Variants in LAMP1 observed in about 807,000 individuals in gnomAD.
The protein encoded by LAMP1 is lysosome-associated membrane glycoprotein 1.
Under a neutral mutation model 37.5 loss-of-function variants are expected in LAMP1, and 7 were observed. The ratio of observed to expected loss-of-function variants is 0.19; its 90% CI spans 0.11 to 0.35. LAMP1 has a LOEUF of 0.35. Among genes scored for constraint, LAMP1 ranks in the 10% least tolerant of loss-of-function variants. LAMP1 has a pLI of 1.00. For synonymous variants in LAMP1, 236 were observed against 229.1 expected (o/e 1.03, Z -0.27); for missense variants, 537 against 552.8 (o/e 0.97, Z 0.29).
Position 113,301,644 on chromosome 13 carries a change from AATATATATATATATATATATATATATAT to A in LAMP1, c.61+4170_61+4197del, listed in dbSNP as rs1178393830. On this transcript the variant is annotated intron_variant, in intron 1 of 8. Transcript: ENST00000332556. ...TTTCCATTTAAAAAAAAAAAAAAAA[AATATATATATATATATATATATATATAT>A]ATATATATATATATATATATTTACA... is the stretch of plus-strand genomic sequence containing the variant. Among the ~76,000 whole-genome samples the A allele has an allele frequency of 1.6e-3, 6 of 3,868 alleles. No individual in the cohort carries two copies. The South Asian group carries it at 0.021, about 13-fold the overall frequency. The allele number at this position is 3,868 out of a possible 152,430, so 2.5% of individuals were successfully genotyped here. A position where few individuals can be genotyped will look rare whatever the true frequency, so the allele number is the denominator to read the frequency against.
At chr13:113,302,946 CCTGGCACAAAG>C (rs2042581620) in intron 1 of LAMP1, among the ~76,000 whole-genome samples, 4 of 152,224 alleles carry the variant, frequency 2.6e-5, no homozygotes, top group Admixed American at 2.6e-4. Context: ...TAGAGCAGCA[CCTGGCACAAAG>C]TAAGTGCATT....
intron 4 of LAMP1, among the ~76,000 whole-genome samples, chr13:113,315,341 T>C (rs1170333306): frequency 1.3e-5 from 2 of 150,844 alleles, no homozygotes; most frequent in African/African-American, 2.4e-5. Flanking sequence ...CTGGGCTTCC[T>C]GCCTGGGTGG....
In LAMP1 at chr13:113,320,501, G is replaced by A. The variant is rs767145043; in HGVS notation, c.876+31G>A. 80 of 1,596,744 alleles carry A rather than the reference G, an allele frequency of 5.0e-5. No homozygotes were observed. The Middle Eastern group carries it at 6.6e-4, about 13-fold the overall frequency. Reference sequence around the variant, plus strand: ...GCTGGGGCGGCACCTCTCTGGGGGCGCCCACTGTGTCTCCACCACATCTTT... The same window carrying A: ...GCTGGGGCGGCACCTCTCTGGGGGCACCCACTGTGTCTCCACCACATCTTT... On this transcript the variant is annotated intron_variant, in intron 6 of 8. Transcript: ENST00000332556. This position sits in a 1 kb window ranked among gnomAD's most constrained non-coding sequence, Gnocchi z 4.4.
At chr13:113,300,502 A>AAG (rs1555310677) in intron 1 of LAMP1, among the ~76,000 whole-genome samples, 16 of 149,884 alleles carry the variant, frequency 1.1e-4, no homozygotes, top group East Asian at 7.9e-4. Flanking sequence ...AAAAAAAAAA[A>AAG]AAAGAAAAAG....
At chr13:113,318,616 TTGG>T (rs1207136109) in intron 4 of LAMP1, among the ~76,000 whole-genome samples, 2 of 152,172 alleles carry the variant, frequency 1.3e-5, no homozygotes, top group Non-Finnish European at 2.9e-5. Context: ...TGTGAACATC[TTGG>T]TGGGTGAATT....
chr13:113,317,918 G>C (rs2042675406), intron 4 of LAMP1, among the ~76,000 whole-genome samples: 1 of 152,164 alleles, frequency 6.6e-6, no homozygotes, highest in African/African-American at 2.4e-5. Context: ...TTGAACTCCT[G>C]GGCTCAAGCA....
At chr13:113,304,111 G>GA (rs879921790) in intron 1 of LAMP1, among the ~76,000 whole-genome samples, 44 of 151,286 alleles carry the variant, frequency 2.9e-4, no homozygotes, top group Non-Finnish European at 4.9e-4. Context: ...TTTACTAAGT[G>GA]AAAAAAAAAT....
rs773910691 is a variant in LAMP1, at chr13:113,321,380, T to G, written c.877-24T>G. The stretch of plus-strand genomic sequence containing the variant: ...ATCTTTCTATGAATCTGCTCCGTGA[T>G]TAAAGATCATTTTTCTTTTTAAGAA... On this transcript the variant is annotated intron_variant, in intron 6 of 8. Coordinates refer to ENST00000332556, the MANE Select transcript of LAMP1 (RefSeq NM_005561.4). This position sits in a 1 kb window ranked among gnomAD's most constrained non-coding sequence, Gnocchi z 5.6. 1.3e-6 allele frequency: 2 copies of G among 1,585,300 alleles called. No individual in the cohort carries two copies. The highest frequency in any genetic ancestry group is 1.7e-6 in the Non-Finnish European group (2 of 1,153,806).
intron 1 of LAMP1, among the ~76,000 whole-genome samples, chr13:113,301,637 AAAAAAAAATATATATATATAT>A (rs1217763816): frequency 0.015 from 380 of 26,144 alleles, 16 homozygotes; most frequent in African/African-American, 0.038. Flanking sequence ...TAAAAAAAAA[AAAAAAAAATATATATATATAT>A]ATATATATAT....
intron 1 of LAMP1, among the ~76,000 whole-genome samples, chr13:113,303,791 C>G (rs2042585413): frequency 6.6e-6 from 1 of 152,118 alleles, no homozygotes; most frequent in Non-Finnish European, 1.5e-5. Context: ...AAAGCTGAGA[C>G]CTGGCTGGGC....
Position 113,321,750 on chromosome 13 carries a change from G to A in LAMP1, c.1114+23G>A, listed in dbSNP as rs189525754. 1.6e-3 allele frequency: 2,521 copies of A among 1,611,094 alleles called. 24 individuals carry two copies. The African/African-American group carries it at 0.03, about 19-fold the overall frequency. On this transcript the variant is annotated intron_variant, in intron 8 of 8. Transcript: ENST00000332556. This position sits in a 1 kb window ranked among gnomAD's most constrained non-coding sequence, Gnocchi z 5.6. ...CTGGTGAGTGTCACCGAGGGCAGCT[G>A]TCGCGGGGTGTGGAGGACGTGCTTC... is the stretch of plus-strand genomic sequence containing the variant.
rs2042693026 is a variant in LAMP1, at chr13:113,320,626, C to T, written c.876+156C>T. The T allele has an allele frequency of 2.8e-6, 2 of 714,878 alleles. No homozygotes were observed. Among genetic ancestry groups the T allele is most frequent in the Non-Finnish European group, 4.5e-6 (2 of 443,070 alleles). The allele number at this position is 714,878 out of a possible 1,614,324, so 44.3% of individuals were successfully genotyped here. On this transcript the variant is annotated intron_variant, in intron 6 of 8. Coordinates refer to ENST00000332556, the MANE Select transcript of LAMP1 (RefSeq NM_005561.4). The surrounding 1 kb of genome is among the most constrained non-coding windows in gnomAD (Gnocchi z 4.4). ...CCTGGGCTTTTTAGTTCCTTGGTTC[C>T]CCTCCCCCCTTTCCATTCCATTCAT...
Position 113,321,539 on chromosome 13 carries a change from C to A in LAMP1, c.944-18C>A. On this transcript the variant is annotated intron_variant, in intron 7 of 8. Coordinates refer to ENST00000332556, the MANE Select transcript of LAMP1 (RefSeq NM_005561.4). The surrounding 1 kb of genome is among the most constrained non-coding windows in gnomAD (Gnocchi z 5.6). Reference sequence around the variant, plus strand: ...CCCAGGGTATTCTGGAGCCACTAGACCTCTGTGTGTGTTGCAGACCCTGCC... The same window carrying A: ...CCCAGGGTATTCTGGAGCCACTAGAACTCTGTGTGTGTTGCAGACCCTGCC... The A allele has an allele frequency of 1.2e-6, 2 of 1,614,096 alleles. No homozygotes were observed. The highest frequency in any genetic ancestry group is 8.5e-7 in the Non-Finnish European group (1 of 1,179,992).
At chr13:113,316,426 T>G (rs1341357750) in intron 4 of LAMP1, among the ~76,000 whole-genome samples, 2 of 150,956 alleles carry the variant, frequency 1.3e-5, no homozygotes, top group Admixed American at 6.6e-5. Context: ...GCATGATTTT[T>G]TTTTTTTTTT....
chr13:113,309,987 G>A, intron 3 of LAMP1, 125 bp downstream of exon 3: 1 of 728,816 alleles, frequency 1.4e-6, no homozygotes, highest in South Asian at 1.7e-5. Flanking sequence ...CTAGCACTTT[G>A]GGAGGCTAAG....
At chr13:113,310,207 C>T (rs935498179) in intron 3 of LAMP1, among the ~76,000 whole-genome samples, 2 of 151,230 alleles carry the variant, frequency 1.3e-5, no homozygotes, top group Non-Finnish European at 2.9e-5. Context: ...CCAGCCTAGG[C>T]GACCAAGTGA....
At chr13:113,303,830 C>T (rs953228504) in intron 1 of LAMP1, among the ~76,000 whole-genome samples, 4 of 152,162 alleles carry the variant, frequency 2.6e-5, no homozygotes, top group African/African-American at 9.7e-5. Context: ...AATCCCAGCA[C>T]TTTGTGAGGC....
chr13:113,309,702 A>G lies in LAMP1; in HGVS notation c.243A>G (p.Gly81=). 1 of 1,614,184 alleles carries G rather than the reference A, an allele frequency of 6.2e-7. No individual in the cohort carries two copies. Among genetic ancestry groups the G allele is most frequent in the Non-Finnish European group, 8.5e-7 (1 of 1,180,022 alleles). ...ATVVLNRSSC[G]KENTSDPSLV... ...TGGTGCTCAACCGCAGCTCCTGTGG[A>G]AAAGAGAACACTTCTGACCCCAGTC... The change falls in exon 3 of 9, where the codon GGA becomes GGG. Residue 81 remains glycine (G), a synonymous_variant. Transcript: ENST00000332556.
chr13:113,313,084 G>A (rs1355111550), intron 4 of LAMP1, among the ~76,000 whole-genome samples: 1 of 152,122 alleles, frequency 6.6e-6, no homozygotes, highest in East Asian at 1.9e-4. Context: ...GGCTAGGCCT[G>A]GACACGGTTG....
Sources: gnomAD v4.1 joint callset for allele counts (sites outside exome capture counted in the v4.1 genomes callset) on GRCh38, gnomAD v4.1.1 for gene constraint, Gnocchi (gnomAD v3.1) non-coding constraint, MANE v1.5 for transcripts, NCBI Gene and HGNC (gene_info 2026-07-23, HGNC 2026-07-21) for gene names.